The following OXR1 variants were observed in gnomAD, a reference collection of about 807,000 sequenced individuals.
The protein encoded by OXR1 is oxidation resistance protein 1.
In OXR1, 41 loss-of-function variants were observed where a neutral mutation model predicts 104.6. The ratio of observed to expected loss-of-function variants is 0.39; its 90% confidence interval spans 0.31 to 0.51. OXR1 has a LOEUF of 0.51. OXR1 is among the 20% of genes least tolerant of loss of function. The probability of loss-of-function intolerance (pLI) is 0.77; values close to 1 mark genes in which losing one functional copy is unlikely to be tolerated. For missense variants in OXR1, 955 were observed against 1,031.9 expected, an observed-to-expected ratio of 0.93 and a Z score of 1.02; for synonymous variants, 348 against 348.4, an observed-to-expected ratio of 1.00 and a Z score of 0.01.
At chr8:106,724,177 TC>T (rs1833113666) in intron 11 of OXR1, among the ~76,000 whole-genome samples, 1 of 152,168 alleles carries the variant, frequency 6.6e-6, no homozygotes, top group Non-Finnish European at 1.5e-5. Flanking sequence ...TTTAATAACT[TC>T]AGTTCGAATA....
At chr8:106,684,160 A>G in intron 5 of OXR1, 86 bp from the exon 6 acceptor site, 2 of 616,250 alleles carry the variant, frequency 3.2e-6, no homozygotes, top group Middle Eastern at 2.8e-4. Context: ...TTAATTGGTA[A>G]TTGTTAATAG....
intron 2 of OXR1, among the ~76,000 whole-genome samples, chr8:106,454,648 C>T (rs906928916): frequency 6.6e-6 from 1 of 152,022 alleles, no homozygotes; most frequent in African/African-American, 2.4e-5. Context: ...ATAATAATAA[C>T]TAAAGTCCGT....
chr8:106,434,306 T>A (rs72678583), intron 2 of OXR1, among the ~76,000 whole-genome samples: 2,021 of 152,306 alleles, frequency 0.013, 14 homozygotes, highest in Non-Finnish European at 0.022. Context: ...GAGAAACCTT[T>A]CAGAGAGTTT....
intron 11 of OXR1, among the ~76,000 whole-genome samples, chr8:106,716,274 T>C (rs991034078): frequency 4.6e-5 from 7 of 152,176 alleles, no homozygotes; most frequent in Non-Finnish European, 8.8e-5. Flanking sequence ...TAGCCACATG[T>C]AACCATTGAG....
At chr8:106,496,696 C>T (rs1255485641) in intron 2 of OXR1, among the ~76,000 whole-genome samples, 1 of 152,168 alleles carries the variant, frequency 6.6e-6, no homozygotes. Flanking sequence ...GCCTGGAAGC[C>T]AGGGAGCTAA....
Position 106,492,620 on chromosome 8 carries a change from TG to T in OXR1, c.24-26321del, listed in dbSNP as rs528630095. 2.8e-4 allele frequency among the ~76,000 whole-genome samples: 42 copies of T among 152,310 alleles called. No homozygotes were observed. In the South Asian group the frequency reaches 8.7e-3, roughly 32 times the overall value. On this transcript the variant is annotated intron_variant, in intron 2 of 16. Transcript: ENST00000517566. ...GTTTACCATTCCCCCCTCCAGGCTC[TG>T]GAAACAGACAGCAATATAACATTAA... is the stretch of plus-strand genomic sequence containing the variant.
At chr8:106,507,522 C>A (rs1188339365) in intron 2 of OXR1, among the ~76,000 whole-genome samples, 4 of 152,044 alleles carry the variant, frequency 2.6e-5, no homozygotes, top group Admixed American at 2.6e-4. Context: ...CATGAAGTTA[C>A]GAAAACCTGA....
intron 3 of OXR1, among the ~76,000 whole-genome samples, chr8:106,641,971 C>CA (rs1823686650): frequency 6.6e-6 from 1 of 151,822 alleles, no homozygotes; most frequent in Non-Finnish European, 1.5e-5. Flanking sequence ...GGGGTCTTGC[C>CA]ATATTGCCCT....
chr8:106,689,859 G>T (rs934251221), intron 6 of OXR1, among the ~76,000 whole-genome samples: 1 of 151,938 alleles, frequency 6.6e-6, no homozygotes, highest in South Asian at 2.1e-4. Flanking sequence ...AGTAATAGCA[G>T]ACATGCAAGA....
intron 2 of OXR1, among the ~76,000 whole-genome samples, chr8:106,441,011 T>A (rs899765769): frequency 6.6e-6 from 1 of 152,062 alleles, no homozygotes; most frequent in African/African-American, 2.4e-5. Flanking sequence ...CATTGTTTTT[T>A]AAAAAGATAG....
chr8:106,398,428 C>T (rs1817869520), intron 2 of OXR1, among the ~76,000 whole-genome samples: 1 of 152,142 alleles, frequency 6.6e-6, no homozygotes. Context: ...GCTGCTGCTG[C>T]AAGCCCCATG....
chr8:106,555,928 G>GTATATATATATATATA (rs371162000), intron 3 of OXR1, among the ~76,000 whole-genome samples: 77 of 142,526 alleles, frequency 5.4e-4, no homozygotes, highest in East Asian at 3.3e-3. Flanking sequence ...GTATATATAT[G>GTATATATATATATATA]TACATATATA....
intron 2 of OXR1, among the ~76,000 whole-genome samples, chr8:106,375,661 G>T (rs1306557798): frequency 6.6e-6 from 1 of 152,202 alleles, no homozygotes; most frequent in African/African-American, 2.4e-5. Flanking sequence ...CTCAACAGGT[G>T]CTTTGCAATC....
chr8:106,433,169 G>A (rs1177479419), intron 2 of OXR1, among the ~76,000 whole-genome samples: 1 of 152,166 alleles, frequency 6.6e-6, no homozygotes, highest in Non-Finnish European at 1.5e-5. Flanking sequence ...TAGGGGCTTG[G>A]GAAGTGGGGA....
intron 2 of OXR1, among the ~76,000 whole-genome samples, chr8:106,516,572 TA>T (rs1230805067): frequency 2.0e-5 from 3 of 152,174 alleles, no homozygotes; most frequent in Non-Finnish European, 4.4e-5. Context: ...GGTTGTTCAT[TA>T]AATGTCACTC....
At chr8:106,623,429 T>G (rs1216598095) in intron 3 of OXR1, among the ~76,000 whole-genome samples, 1 of 151,750 alleles carries the variant, frequency 6.6e-6, no homozygotes, top group Non-Finnish European at 1.5e-5. Context: ...AATGAAAACA[T>G]GCATTGAATG....
chr8:106,745,201 T>A (rs2131591813), intron 15 of OXR1, among the ~76,000 whole-genome samples: 1 of 152,300 alleles, frequency 6.6e-6, no homozygotes, highest in East Asian at 1.9e-4. Flanking sequence ...AAAACACCCA[T>A]AAAAGGTTAG....
intron 2 of OXR1, among the ~76,000 whole-genome samples, chr8:106,506,334 C>T (rs2129990454): frequency 6.6e-6 from 1 of 152,302 alleles, no homozygotes; most frequent in Non-Finnish European, 1.5e-5. Flanking sequence ...AGAGTTTTGG[C>T]CAGGCGCGGT....
At chr8:106,667,925 A>T (rs1424155976) in intron 3 of OXR1, among the ~76,000 whole-genome samples, 3 of 151,462 alleles carry the variant, frequency 2.0e-5, no homozygotes, top group African/African-American at 7.3e-5. Context: ...TCACCACAAG[A>T]GGTTAATTCC....
Sources: allele counts gnomAD v4.1 joint callset (sites outside exome capture counted in the v4.1 genomes callset), GRCh38; gene constraint gnomAD v4.1.1; transcripts MANE v1.5; gene names NCBI Gene and HGNC (gene_info 2026-07-23, HGNC 2026-07-21).